Variants in TYW1 observed in about 807,000 individuals in gnomAD.
TYW1 encodes the protein tRNA-yW synthesizing protein 1 homolog, also known as S-adenosyl-L-methionine-dependent tRNA 4-demethylwyosine synthase TYW1.
Under a neutral mutation model 96.2 loss-of-function variants are expected in TYW1, and 46 were observed. The ratio of observed to expected loss-of-function variants is 0.48; its 90% CI spans 0.38 to 0.61. The LOEUF is 0.61. Ranked by LOEUF, TYW1 falls within the 20% of genes least tolerant of loss-of-function variation. The pLI, the probability that TYW1 is intolerant of heterozygous loss-of-function variation, is 0.00. For synonymous variants in TYW1, 274 were observed against 323.0 expected (o/e 0.85, Z 1.63); for missense variants, 684 against 909.6 (o/e 0.75, Z 3.19).
At chr7:67,080,175 T>A (rs1404780605) in intron 10 of TYW1, among the ~76,000 whole-genome samples, 1 of 152,200 alleles carries the variant, frequency 6.6e-6, no homozygotes, top group African/African-American at 2.4e-5. Flanking sequence ...GTGATGTTGA[T>A]GCCCCCAACT....
At chr7:67,023,121 G>A (rs1345973802) in intron 6 of TYW1, among the ~76,000 whole-genome samples, 1 of 151,664 alleles carries the variant, frequency 6.6e-6, no homozygotes, top group Non-Finnish European at 1.5e-5. Flanking sequence ...TTTTGAGATG[G>A]AGTCTTGCTC....
At chr7:67,069,173 C>A (rs1476091421) in intron 10 of TYW1, among the ~76,000 whole-genome samples, 1 of 151,944 alleles carries the variant, frequency 6.6e-6, no homozygotes, top group Non-Finnish European at 1.5e-5. Flanking sequence ...TTGGGGGTTA[C>A]AAATAAATTT....
intron 14 of TYW1, among the ~76,000 whole-genome samples, chr7:67,187,590 G>A (rs957911100): frequency 1.5e-5 from 2 of 133,794 alleles, no homozygotes; most frequent in East Asian, 2.0e-4. Context: ...TGCTGTAGTC[G>A]CAAAAGGGAT....
At chr7:67,086,080 T>G (rs1796541343) in intron 11 of TYW1, among the ~76,000 whole-genome samples, 1 of 152,222 alleles carries the variant, frequency 6.6e-6, no homozygotes, top group Non-Finnish European at 1.5e-5. Context: ...GACTTTTTTT[T>G]GTACATTTAC....
At position 67,027,136 on chromosome 7, in the gene TYW1, GC is replaced by G; in HGVS notation, c.984+2115del. Among the ~76,000 whole-genome samples, 3 of 151,926 alleles carry G rather than the reference GC, an allele frequency of 2.0e-5. No homozygotes were observed. The Middle Eastern group carries it at 0.01, about 517-fold the overall frequency. On this transcript the variant is annotated intron_variant, in intron 7 of 15. Coordinates refer to ENST00000359626, the MANE Select transcript of TYW1 (RefSeq NM_018264.4). Reference sequence around the variant, plus strand: ...GGTTGCTTGGACCTGGGAGTTTGAGGCTGCAGTGAGCTGTGATCATGTCACT... The same window carrying G: ...GGTTGCTTGGACCTGGGAGTTTGAGGTGCAGTGAGCTGTGATCATGTCACT...
rs552058063 is a variant in TYW1, at chr7:67,211,365, G to A, written c.1977+16028G>A. Among the ~76,000 whole-genome samples the A allele has an allele frequency of 8.9e-4, 136 of 152,278 alleles. 1 individual carries two copies. The Middle Eastern group carries it at 0.01, about 11-fold the overall frequency. ...CCATGCTGGGCACTGGCAGTAAGCCGCAGCTCTCAGTCAGCCACGTGTTTT... is the reference window on the plus strand; with the variant it reads ...CCATGCTGGGCACTGGCAGTAAGCCACAGCTCTCAGTCAGCCACGTGTTTT... On this transcript the variant is annotated intron_variant, in intron 15 of 15. Coordinates refer to ENST00000359626, the MANE Select transcript of TYW1 (RefSeq NM_018264.4).
intron 7 of TYW1, among the ~76,000 whole-genome samples, chr7:67,027,591 C>G (rs1254244226): frequency 6.6e-6 from 1 of 152,086 alleles, no homozygotes; most frequent in Admixed American, 6.6e-5. Flanking sequence ...CCTCTTATAT[C>G]TCAGACAAGG....
chr7:67,176,247 A>G (rs1380137449), intron 13 of TYW1, among the ~76,000 whole-genome samples: 1 of 152,232 alleles, frequency 6.6e-6, no homozygotes, highest in African/African-American at 2.4e-5. Flanking sequence ...ATAAAATATT[A>G]TTGAGAGAAA....
chr7:67,059,388 C>G (rs1273241438), intron 9 of TYW1, among the ~76,000 whole-genome samples: 1 of 151,776 alleles, frequency 6.6e-6, no homozygotes, highest in Non-Finnish European at 1.5e-5. Context: ...CAGGCGTGAG[C>G]CACCGTGCCT....
chr7:67,072,245 C>T (rs1189938262), intron 10 of TYW1, among the ~76,000 whole-genome samples: 2 of 139,642 alleles, frequency 1.4e-5, no homozygotes, highest in African/African-American at 5.4e-5. Flanking sequence ...ACCCCTCTAC[C>T]CACTTTTTTT....
intron 5 of TYW1, among the ~76,000 whole-genome samples, 161 bp downstream of exon 5, chr7:67,014,722 C>A (rs1177622264): frequency 6.6e-6 from 1 of 152,154 alleles, no homozygotes; most frequent in Non-Finnish European, 1.5e-5. Context: ...TACATTTCTT[C>A]TATTATTTTA....
intron 15 of TYW1, among the ~76,000 whole-genome samples, chr7:67,207,727 T>TC: frequency 1.2e-5 from 1 of 81,568 alleles, no homozygotes; most frequent in East Asian, 2.3e-4. Context: ...CTTTTTTTTT[T>TC]TTTTTTTTTT....
intron 15 of TYW1, among the ~76,000 whole-genome samples, chr7:67,195,585 G>A (rs927653900): frequency 1.3e-5 from 2 of 152,052 alleles, no homozygotes; most frequent in Admixed American, 1.3e-4. Context: ...AATTTTAGAA[G>A]GTGCATGCTA....
intron 14 of TYW1, among the ~76,000 whole-genome samples, chr7:67,192,680 C>G (rs927229464): frequency 6.6e-6 from 1 of 152,146 alleles, no homozygotes; most frequent in Non-Finnish European, 1.5e-5. Flanking sequence ...TTTTATTCAC[C>G]TTAAGCTCTG....
intron 7 of TYW1, among the ~76,000 whole-genome samples, chr7:67,027,149 G>C (rs915953530): frequency 6.6e-6 from 1 of 151,560 alleles, no homozygotes. Flanking sequence ...GCAGTGAGCT[G>C]TGATCATGTC....
intron 13 of TYW1, among the ~76,000 whole-genome samples, chr7:67,148,607 A>T (rs1013201233): frequency 2.0e-5 from 3 of 151,756 alleles, no homozygotes; most frequent in African/African-American, 7.3e-5. Flanking sequence ...TTATATATAT[A>T]TTTTTAGTAG....
At chr7:67,181,767 C>G (rs1189726729) in intron 13 of TYW1, among the ~76,000 whole-genome samples, 1 of 152,122 alleles carries the variant, frequency 6.6e-6, no homozygotes, top group East Asian at 1.9e-4. Context: ...TGGTTATAGG[C>G]AAGTCACAGG....
chr7:67,210,385 A>G, intron 15 of TYW1, among the ~76,000 whole-genome samples: 1 of 152,100 alleles, frequency 6.6e-6, no homozygotes, highest in East Asian at 1.9e-4. Flanking sequence ...GCTGACCTCG[A>G]TCCTCCAACT....
intron 12 of TYW1, among the ~76,000 whole-genome samples, chr7:67,108,645 T>C (rs1007210223): frequency 1.3e-5 from 2 of 151,842 alleles, no homozygotes; most frequent in Non-Finnish European, 2.9e-5. Context: ...TTTCACCATG[T>C]TGGCCAGGCT....
Sources: allele counts gnomAD v4.1 joint callset (sites outside exome capture counted in the v4.1 genomes callset), GRCh38; gene constraint gnomAD v4.1.1; transcripts MANE v1.5; gene names NCBI Gene and HGNC (gene_info 2026-07-23, HGNC 2026-07-21).